Variants in DLG2 observed in about 807,000 individuals in gnomAD.
DLG2 encodes discs large MAGUK scaffold protein 2.
DLG2 carries 45 observed loss-of-function variants against 132.5 expected under a neutral mutation model. The ratio of observed to expected loss-of-function variants is 0.34; its 90% CI spans 0.27 to 0.44. The LOEUF (loss-of-function observed/expected upper bound fraction) is 0.44. DLG2 is among the 20% of genes least tolerant of loss of function. The pLI, the probability that DLG2 is intolerant of heterozygous loss-of-function variation, is 1.00. For missense variants in DLG2, 1,045 were observed against 1,196.9 expected, an observed-to-expected ratio of 0.87 and a Z score of 1.87; for synonymous variants, 424 against 419.6, an observed-to-expected ratio of 1.01 and a Z score of -0.13.
At chr11:84,977,142 T>G (rs1025397691) in intron 6 of DLG2, among the ~76,000 whole-genome samples, 1 of 152,006 alleles carries the variant, frequency 6.6e-6, no homozygotes, top group Non-Finnish European at 1.5e-5. Flanking sequence ...CTCCAAGGGG[T>G]GTATGCTGAT....
intron 6 of DLG2, among the ~76,000 whole-genome samples, chr11:84,967,464 G>C (rs561575929): frequency 6.6e-6 from 1 of 152,094 alleles, no homozygotes; most frequent in South Asian, 2.1e-4. Flanking sequence ...TCTCAAGCAG[G>C]ATGCTCACCA....
chr11:85,608,799 G>T (rs1474285200), intron 2 of DLG2, among the ~76,000 whole-genome samples: 1 of 152,156 alleles, frequency 6.6e-6, no homozygotes, highest in Non-Finnish European at 1.5e-5. Flanking sequence ...GTCCTGATAG[G>T]TACATAGATG....
intron 18 of DLG2, among the ~76,000 whole-genome samples, chr11:83,776,744 CT>C (rs1326107716): frequency 6.6e-6 from 1 of 152,192 alleles, no homozygotes; most frequent in African/African-American, 2.4e-5. Flanking sequence ...CTTCAGATAT[CT>C]TTCCCTCCTG....
chr11:85,077,056 G>T (rs936444072), intron 6 of DLG2, among the ~76,000 whole-genome samples: 1 of 152,036 alleles, frequency 6.6e-6, no homozygotes, highest in African/African-American at 2.4e-5. Context: ...TGAAGGGAAA[G>T]AGTTGCCAAA....
At chr11:83,508,771 CAT>C (rs2094864424) in intron 21 of DLG2, among the ~76,000 whole-genome samples, 1 of 152,102 alleles carries the variant, frequency 6.6e-6, no homozygotes, top group Admixed American at 6.6e-5. Flanking sequence ...AGAGAGATAA[CAT>C]AATTTTGCCC....
chr11:83,802,612 C>T (rs1159022803), intron 17 of DLG2, among the ~76,000 whole-genome samples: 1 of 152,030 alleles, frequency 6.6e-6, no homozygotes, highest in Admixed American at 6.6e-5. Context: ...ACTGTTAAAA[C>T]ACTATCAATA....
intron 8 of DLG2, among the ~76,000 whole-genome samples, chr11:84,178,369 G>A (rs984763084): frequency 1.3e-5 from 2 of 152,088 alleles, no homozygotes; most frequent in Non-Finnish European, 2.9e-5. Flanking sequence ...GTTATGTCAG[G>A]CTTTGAGAGC....
chr11:85,390,193 C>G (rs535861223), intron 3 of DLG2, among the ~76,000 whole-genome samples: 9 of 151,574 alleles, frequency 5.9e-5, no homozygotes, highest in South Asian at 2.1e-4. Context: ...CAAAAGGGAG[C>G]AGAAGTAGCT....
chr11:84,076,869 C>T (rs533460965), intron 10 of DLG2, among the ~76,000 whole-genome samples: 8 of 152,296 alleles, frequency 5.3e-5, no homozygotes, highest in Middle Eastern at 3.4e-3. Flanking sequence ...AAAACAAAGC[C>T]ATGTGATGTG....
intron 6 of DLG2, among the ~76,000 whole-genome samples, chr11:84,875,887 G>A (rs116242933): frequency 0.012 from 1,852 of 152,084 alleles, 39 homozygotes; most frequent in African/African-American, 0.041. Context: ...ACAGGTGTCC[G>A]CCACCATACC....
chr11:85,398,542 AAAG>A (rs1441955600), intron 3 of DLG2, among the ~76,000 whole-genome samples: 1 of 152,198 alleles, frequency 6.6e-6, no homozygotes, highest in Non-Finnish European at 1.5e-5. Context: ...CAGGACTAAT[AAAG>A]AAGAAAAGAG....
At chr11:85,522,202 A>C (rs1458781497) in intron 3 of DLG2, among the ~76,000 whole-genome samples, 1 of 152,106 alleles carries the variant, frequency 6.6e-6, no homozygotes, top group Non-Finnish European at 1.5e-5. Flanking sequence ...CCACGGTATC[A>C]CTCAGGATGT....
At chr11:85,413,215 AG>A (rs1209781972) in intron 3 of DLG2, among the ~76,000 whole-genome samples, 1 of 151,954 alleles carries the variant, frequency 6.6e-6, no homozygotes, top group Non-Finnish European at 1.5e-5. Context: ...TCTTCTTTTG[AG>A]AACTGTCTAT....
intron 18 of DLG2, among the ~76,000 whole-genome samples, chr11:83,673,574 C>T (rs1284783224): frequency 5.3e-5 from 8 of 152,166 alleles, no homozygotes; most frequent in East Asian, 3.9e-4. Context: ...CTTTTTTGTT[C>T]GATTAAGGGG....
chr11:84,259,444 G>C (rs1379583544), intron 7 of DLG2, among the ~76,000 whole-genome samples: 2 of 152,052 alleles, frequency 1.3e-5, no homozygotes, highest in Non-Finnish European at 2.9e-5. Flanking sequence ...AGTGGCTTTG[G>C]CTTGTCACCT....
intron 6 of DLG2, among the ~76,000 whole-genome samples, chr11:85,096,655 A>C (rs2069848380): frequency 6.6e-6 from 1 of 152,196 alleles, no homozygotes; most frequent in Non-Finnish European, 1.5e-5. Context: ...TTGGCAACCC[A>C]GATGGGACAC....
chr11:84,073,337 G>C (rs541311327), intron 10 of DLG2, among the ~76,000 whole-genome samples: 2 of 150,486 alleles, frequency 1.3e-5, no homozygotes, highest in South Asian at 2.1e-4. Flanking sequence ...AGGCATATTA[G>C]CATTAAGAAA....
At chr11:83,877,974 C>G (rs2065193372) in intron 15 of DLG2, among the ~76,000 whole-genome samples, 1 of 152,084 alleles carries the variant, frequency 6.6e-6, no homozygotes, top group Non-Finnish European at 1.5e-5. Flanking sequence ...TGTAGAGTTA[C>G]CATCGCTAAG....
intron 6 of DLG2, among the ~76,000 whole-genome samples, chr11:85,096,234 G>A (rs537671228): frequency 1.4e-4 from 21 of 152,260 alleles, no homozygotes; most frequent in South Asian, 1.0e-3. Context: ...CAACCTGCTC[G>A]GGTCCCCTTC....
Sources: allele counts gnomAD v4.1 joint callset (sites outside exome capture counted in the v4.1 genomes callset), GRCh38; gene constraint gnomAD v4.1.1; transcripts MANE v1.5; gene names NCBI Gene and HGNC (gene_info 2026-07-23, HGNC 2026-07-21).